The following ABHD12B variants were observed in gnomAD, a reference collection of about 807,000 sequenced individuals.
The protein encoded by ABHD12B is protein ABHD12B.
In ABHD12B, 42 loss-of-function variants were observed where a neutral mutation model predicts 50.4. That is an observed-to-expected ratio of 0.83 (90% CI 0.65 to 1.08). The LOEUF (loss-of-function observed/expected upper bound fraction) is 1.08. Ranked by LOEUF, ABHD12B falls within the 50% of genes least tolerant of loss-of-function variation. The probability of loss-of-function intolerance (pLI) is 0.00; values close to 1 mark genes in which losing one functional copy is unlikely to be tolerated. For synonymous variants in ABHD12B, 167 were observed against 160.3 expected (o/e 1.04, Z -0.32); for missense variants, 479 against 447.7 (o/e 1.07, Z -0.63).
chr14:50,879,378 T>C (rs1023482965), intron 3 of ABHD12B, among the ~76,000 whole-genome samples: 6 of 152,244 alleles, frequency 3.9e-5, no homozygotes, highest in Admixed American at 3.9e-4. Context: ...AATATTTGTC[T>C]TCCTTACAAG....
intron 9 of ABHD12B, among the ~76,000 whole-genome samples, chr14:50,899,841 G>C (rs2050242780): frequency 6.6e-6 from 1 of 151,166 alleles, no homozygotes; most frequent in African/African-American, 2.4e-5. Flanking sequence ...AGAATTGCTT[G>C]AACCCAGGAG....
At chr14:50,873,529 C>T (rs930225883) in intron 1 of ABHD12B, among the ~76,000 whole-genome samples, 4 of 152,132 alleles carry the variant, frequency 2.6e-5, no homozygotes, top group African/African-American at 9.7e-5. Context: ...TCTTCTATTC[C>T]TTTTTATTCT....
chr14:50,875,095 T>C (rs1043281570), intron 1 of ABHD12B, among the ~76,000 whole-genome samples: 6 of 152,128 alleles, frequency 3.9e-5, no homozygotes, highest in Non-Finnish European at 7.4e-5. Context: ...TGTGGCCTGA[T>C]AGAGTGGAGA....
chr14:50,872,768 G>A (rs1215953703), intron 1 of ABHD12B, among the ~76,000 whole-genome samples: 4 of 152,136 alleles, frequency 2.6e-5, no homozygotes, highest in Non-Finnish European at 5.9e-5. Flanking sequence ...GAACTCCCTG[G>A]CATGTATTTA....
At chr14:50,899,177 A>G (rs769411695) in intron 9 of ABHD12B, among the ~76,000 whole-genome samples, 3 of 152,166 alleles carry the variant, frequency 2.0e-5, no homozygotes, top group Non-Finnish European at 2.9e-5. Context: ...GGCCAACAAG[A>G]ATGACACTCC....
rs1391492489 is a variant in ABHD12B at position 50,904,133 on chromosome 14, TC to T, written c.1004del (p.Pro335LeufsTer16). On this transcript the variant is annotated frameshift_variant, in exon 12 of 13. Coordinates refer to ENST00000337334, the MANE Select transcript of ABHD12B (RefSeq NM_001206673.2). LOFTEE classifies it high-confidence loss of function. ...AAGAGAGGGTCAAGATGGTTATCTT[TC>T]CTCCTGGCTTCCAACACAACCTGCT... ...NKERVKMVIF[P>X]PGFQHNLLCK... is the part of the protein sequence containing the mutation. The T allele has an allele frequency of 6.2e-7, 1 of 1,614,060 alleles. No homozygotes were observed. Among genetic ancestry groups the T allele is most frequent in the Non-Finnish European group, 8.5e-7 (1 of 1,180,006 alleles).
At chr14:50,875,372 AG>A (rs2049847142) in intron 1 of ABHD12B, among the ~76,000 whole-genome samples, 1 of 152,238 alleles carries the variant, frequency 6.6e-6, no homozygotes, top group African/African-American at 2.4e-5. Context: ...TATTTGAAAT[AG>A]TAAATGTAGT....
At chr14:50,874,195 C>T (rs1247230182) in intron 1 of ABHD12B, among the ~76,000 whole-genome samples, 2 of 152,118 alleles carry the variant, frequency 1.3e-5, no homozygotes, top group Non-Finnish European at 2.9e-5. Context: ...TTTTTTAATG[C>T]CTTGGGAATC....
rs1489187933 is a variant in ABHD12B, at chr14:50,884,711, T to G, written c.487-903T>G. ...TATGATTGTATTTCTTCTTTTTTTTTTTTTTTTTTTTTTTTTTTTTTTTGA... is the reference window on the plus strand; with the variant it reads ...TATGATTGTATTTCTTCTTTTTTTTGTTTTTTTTTTTTTTTTTTTTTTTGA... On this transcript the variant is annotated intron_variant, in intron 5 of 12. Transcript: ENST00000337334. 3.7e-3 allele frequency among the ~76,000 whole-genome samples: 15 copies of G among 4,084 alleles called. 1 individual carries two copies. The highest frequency in any genetic ancestry group is 6.4e-3 in the African/African-American group (15 of 2,342). 2.7% of individuals were successfully genotyped at this position (4,084 alleles called of 152,430 possible).
intron 7 of ABHD12B, 75 bp downstream of exon 7, chr14:50,885,970 A>G: frequency 6.3e-7 from 1 of 1,591,372 alleles, no homozygotes; most frequent in Non-Finnish European, 8.6e-7. Context: ...AGCAGCCAGT[A>G]GTGGAGGGAG....
At chr14:50,896,703 G>A (rs1006797589) in intron 9 of ABHD12B, among the ~76,000 whole-genome samples, 13 of 151,730 alleles carry the variant, frequency 8.6e-5, no homozygotes, top group African/African-American at 2.9e-4. Context: ...CCACCAGAGA[G>A]CAACCCCCTT....
chr14:50,888,648 G>C (rs2050074703), intron 8 of ABHD12B, among the ~76,000 whole-genome samples, 176 bp from the exon 9 acceptor site: 1 of 152,178 alleles, frequency 6.6e-6, no homozygotes, highest in South Asian at 2.1e-4. Context: ...CCTCACCCTG[G>C]AGAATCTGAC....
Position 50,904,764 on chromosome 14 carries a change from C to T in ABHD12B, c.*398C>T, listed in dbSNP as rs2050309388. ...AGTGTGATGGTAATAGGAGGTGGGACTGAGCTCTGATGAATGAGATTAGTG... is the reference window on the plus strand; with the variant it reads ...AGTGTGATGGTAATAGGAGGTGGGATTGAGCTCTGATGAATGAGATTAGTG... On this transcript the variant is annotated 3_prime_UTR_variant, in exon 13 of 13. Transcript: ENST00000337334. 1 of 290,604 alleles carries T rather than the reference C, an allele frequency of 3.4e-6. No homozygotes were observed. The highest frequency in any genetic ancestry group is 4.1e-5 in the South Asian group (1 of 24,564). The allele number at this position is 290,604 out of a possible 1,614,324, so 18.0% of individuals were successfully genotyped here.
chr14:50,904,115 G>T lies in ABHD12B; in HGVS notation c.984G>T (p.Arg328Ser). Residue 328 changes from arginine (R) to serine (S), a missense_variant, in exon 12 of 13, where the codon AGG becomes AGT. Transcript: ENST00000337334. Reference sequence around the variant, plus strand: ...GCAATGCATACAGGAACAAAGAGAGGGTCAAGATGGTTATCTTTCCTCCTG... The same window carrying T: ...GCAATGCATACAGGAACAAAGAGAGTGTCAAGATGGTTATCTTTCCTCCTG... Reference protein sequence around the residue: ...IARNAYRNKERVKMVIFPPGF... With the variant: ...IARNAYRNKESVKMVIFPPGF... The T allele has an allele frequency of 6.2e-7, 1 of 1,614,100 alleles. No homozygotes were observed. Among genetic ancestry groups the T allele is most frequent in the African/African-American group, 1.3e-5 (1 of 75,038 alleles).
At chr14:50,889,608 A>G (rs2050090194) in intron 9 of ABHD12B, among the ~76,000 whole-genome samples, 1 of 152,276 alleles carries the variant, frequency 6.6e-6, no homozygotes, top group Non-Finnish European at 1.5e-5. Flanking sequence ...ACTACACTCC[A>G]GCCTGGCGAC....
rs75332612 is a variant in ABHD12B at position 50,873,627 on chromosome 14, G to A, written c.104+1349G>A. 8.9e-3 allele frequency among the ~76,000 whole-genome samples: 1,357 copies of A among 152,308 alleles called. 37 individuals are homozygous for A. In the East Asian group the frequency reaches 0.11, roughly 12 times the overall value. ...CCAGCTCTGGGTTGGATCTGAACAC[G>A]TGGCAGAATGTCCTGATTGCACTTG... On this transcript the variant is annotated intron_variant, in intron 1 of 12. Coordinates refer to ENST00000337334, the MANE Select transcript of ABHD12B (RefSeq NM_001206673.2).
intron 9 of ABHD12B, among the ~76,000 whole-genome samples, chr14:50,898,409 T>C (rs1295134861): frequency 2.0e-5 from 3 of 152,162 alleles, no homozygotes; most frequent in African/African-American, 4.8e-5. Flanking sequence ...TTTCAGTAGA[T>C]AGTGTGGCAT....
intron 10 of ABHD12B, among the ~76,000 whole-genome samples, chr14:50,903,163 G>A (rs1161812543): frequency 6.6e-6 from 1 of 151,312 alleles, no homozygotes; most frequent in East Asian, 1.9e-4. Context: ...TAATTAAACA[G>A]CCAGTTAAAT....
At chr14:50,891,342 A>C (rs1264453951) in intron 9 of ABHD12B, 2 of 152,004 alleles carry the variant, frequency 1.3e-5, no homozygotes, top group Non-Finnish European at 2.9e-5. Flanking sequence ...TCCCGGGTTC[A>C]CGCCATTCTC....
Sources: gnomAD v4.1 joint callset for allele counts (sites outside exome capture counted in the v4.1 genomes callset) on GRCh38, gnomAD v4.1.1 for gene constraint, MANE v1.5 for transcripts, NCBI Gene and HGNC (gene_info 2026-07-23, HGNC 2026-07-21) for gene names.